Variants in ZNHIT6 observed in about 807,000 individuals in gnomAD.
The protein encoded by ZNHIT6 is zinc finger HIT-type containing 6, also known as box C/D snoRNA protein 1.
Under a neutral mutation model 57.2 loss-of-function variants are expected in ZNHIT6, and 45 were observed. The observed-to-expected ratio is 0.79, with a 90% CI of 0.62 to 1.01. The LOEUF (loss-of-function observed/expected upper bound fraction) is 1.01, where lower values mean the gene tolerates loss of function less well. ZNHIT6 is among the 50% of genes least tolerant of loss of function. The pLI is 0.00. For missense variants in ZNHIT6, 528 were observed against 567.3 expected (o/e 0.93, Z 0.70); for synonymous variants, 188 against 190.0 (o/e 0.99, Z 0.09).
chr1:85,695,695 T>C (rs1443718306), intron 5 of ZNHIT6, among the ~76,000 whole-genome samples: 2 of 152,202 alleles, frequency 1.3e-5, no homozygotes, highest in Non-Finnish European at 2.9e-5. Flanking sequence ...ATGTCCTTAA[T>C]CAACATTAAC....
At chr1:85,704,451 G>A (rs745541382) in intron 4 of ZNHIT6, among the ~76,000 whole-genome samples, 9 of 152,020 alleles carry the variant, frequency 5.9e-5, no homozygotes, top group African/African-American at 9.7e-5. Context: ...AAAAGATCAG[G>A]GAAGGGCATA....
In ZNHIT6 at chr1:85,658,058, TA is replaced by T. The variant is rs906836732; in HGVS notation, c.1248-88del. 4.2e-6 allele frequency: 4 copies of T among 948,468 alleles called. No individual in the cohort carries two copies. The Admixed American group carries it at 1.3e-4, about 30-fold the overall frequency. 58.8% of individuals were successfully genotyped at this position (948,468 alleles called of 1,614,324 possible). A position where few individuals can be genotyped will look rare whatever the true frequency, so the allele number is the denominator to read the frequency against. ...ATAAATATATGAGAGTATTTTACAT[TA>T]AAAATTTTTTAAAGGTGATGACAAT... On this transcript the variant is annotated intron_variant, in intron 8 of 9. Transcript: ENST00000370574.
At chr1:85,672,386 T>A (rs1007197381) in intron 8 of ZNHIT6, among the ~76,000 whole-genome samples, 1 of 151,834 alleles carries the variant, frequency 6.6e-6, no homozygotes, top group Non-Finnish European at 1.5e-5. Context: ...CCTTAACTTT[T>A]AAAAAAAAGT....
chr1:85,653,275 T>C lies in ZNHIT6; in HGVS notation c.*783A>G, dbSNP rs1378036886. The stretch of plus-strand genomic sequence containing the variant: ...GACATTGTACTAGGAGTTTCTCAAG[T>C]AGAAAACTTGTCTCACAAGGGTAAG... On this transcript the variant is annotated 3_prime_UTR_variant, in exon 10 of 10. Coordinates refer to ENST00000370574, the MANE Select transcript of ZNHIT6 (RefSeq NM_017953.4). The C allele has an allele frequency of 6.6e-6, 1 of 152,090 alleles. No individual in the cohort carries two copies. The highest frequency in any genetic ancestry group is 2.1e-4 in the South Asian group (1 of 4,826). 9.4% of individuals were successfully genotyped at this position (152,090 alleles called of 1,614,324 possible).
intron 5 of ZNHIT6, among the ~76,000 whole-genome samples, chr1:85,683,481 C>A (rs1385073598): frequency 1.3e-5 from 2 of 151,658 alleles, no homozygotes; most frequent in African/African-American, 4.8e-5. Flanking sequence ...TGAGATTGAG[C>A]CACTGCATTC....
intron 8 of ZNHIT6, among the ~76,000 whole-genome samples, chr1:85,660,151 AT>A (rs1661184595): frequency 6.6e-6 from 1 of 152,194 alleles, no homozygotes; most frequent in Non-Finnish European, 1.5e-5. Flanking sequence ...GAAAAATGAG[AT>A]TATATCAGAT....
chr1:85,667,676 T>A (rs1248444407), intron 8 of ZNHIT6, among the ~76,000 whole-genome samples: 1 of 149,050 alleles, frequency 6.7e-6, no homozygotes, highest in Non-Finnish European at 1.5e-5. Context: ...CTCACACCTG[T>A]AATCCCAGCA....
At chr1:85,681,762 A>G (rs931897761) in intron 5 of ZNHIT6, among the ~76,000 whole-genome samples, 1 of 152,232 alleles carries the variant, frequency 6.6e-6, no homozygotes, top group South Asian at 2.1e-4. Context: ...GTCAGAAGAC[A>G]AAGAACATAA....
At chr1:85,701,973 C>T (rs1662543253) in intron 5 of ZNHIT6, among the ~76,000 whole-genome samples, 184 bp downstream of exon 5, 1 of 151,818 alleles carries the variant, frequency 6.6e-6, no homozygotes, top group Non-Finnish European at 1.5e-5. Flanking sequence ...CACGCACACA[C>T]TGCAAACCCA....
rs757199230 is a variant in ZNHIT6 at position 85,708,318 on chromosome 1, A to G, written c.-34T>C. The stretch of plus-strand genomic sequence containing the variant: ...GATCCTTGGCCTCTGCTGCCACTCT[A>G]TCCTTCAATGTGGCTGCTGCACACC... On this transcript the variant is annotated 5_prime_UTR_variant, in exon 1 of 10. Transcript: ENST00000370574. The G allele has an allele frequency of 1.3e-6, 2 of 1,559,880 alleles. No individual in the cohort carries two copies. The highest frequency in any genetic ancestry group is 1.7e-6 in the Non-Finnish European group (2 of 1,152,686).
In ZNHIT6 at chr1:85,651,062, A is replaced by G. The variant is rs1301971026; in HGVS notation, c.*2996T>C. 6.6e-6 allele frequency: 1 copy of G among 152,220 alleles called. No homozygotes were observed. Among genetic ancestry groups the G allele is most frequent in the African/African-American group, 2.4e-5 (1 of 41,442 alleles). The allele number at this position is 152,220 out of a possible 1,614,324, so 9.4% of individuals were successfully genotyped here. On this transcript the variant is annotated 3_prime_UTR_variant, in exon 10 of 10. Coordinates refer to ENST00000370574, the MANE Select transcript of ZNHIT6 (RefSeq NM_017953.4). Reference sequence around the variant, plus strand: ...TTAGTAACATGAAATAAGGTACAACACAAAGTATATGTCAACATAATTAAA... The same window carrying G: ...TTAGTAACATGAAATAAGGTACAACGCAAAGTATATGTCAACATAATTAAA...
At chr1:85,675,747 C>T (rs953547599) in intron 8 of ZNHIT6, among the ~76,000 whole-genome samples, 6 of 152,190 alleles carry the variant, frequency 3.9e-5, no homozygotes, top group African/African-American at 1.4e-4. Context: ...GTGTAGCCAC[C>T]TTCATCAGTT....
At chr1:85,700,266 A>T (rs976974717) in intron 5 of ZNHIT6, among the ~76,000 whole-genome samples, 1 of 152,154 alleles carries the variant, frequency 6.6e-6, no homozygotes, top group Non-Finnish European at 1.5e-5. Flanking sequence ...AAAGGCCACA[A>T]CTCTACAAGG....
At chr1:85,700,403 A>G (rs1010376775) in intron 5 of ZNHIT6, among the ~76,000 whole-genome samples, 12 of 152,226 alleles carry the variant, frequency 7.9e-5, no homozygotes, top group Admixed American at 7.9e-4. Flanking sequence ...ACTGATCACA[A>G]ATCTCTATAA....
intron 8 of ZNHIT6, among the ~76,000 whole-genome samples, chr1:85,664,338 C>T (rs965239703): frequency 1.3e-5 from 2 of 152,154 alleles, no homozygotes; most frequent in Non-Finnish European, 2.9e-5. Context: ...GTCTAGTCTG[C>T]TGTTAATACA....
intron 8 of ZNHIT6, among the ~76,000 whole-genome samples, chr1:85,663,411 G>A (rs149660490): frequency 5.2e-4 from 79 of 152,136 alleles, no homozygotes; most frequent in African/African-American, 1.6e-3. Flanking sequence ...CAGAGCCTAC[G>A]ATTCCTAATC....
At chr1:85,666,124 A>G (rs541777257) in intron 8 of ZNHIT6, among the ~76,000 whole-genome samples, 1 of 152,320 alleles carries the variant, frequency 6.6e-6, no homozygotes, top group Non-Finnish European at 1.5e-5. Context: ...GTGTACTATA[A>G]GGAATTTACT....
intron 5 of ZNHIT6, among the ~76,000 whole-genome samples, chr1:85,689,043 T>C (rs1469986945): frequency 6.6e-6 from 1 of 152,234 alleles, no homozygotes; most frequent in African/African-American, 2.4e-5. Flanking sequence ...ATTTCTGCTA[T>C]GTTTCTCTTT....
intron 5 of ZNHIT6, among the ~76,000 whole-genome samples, chr1:85,682,564 C>A (rs1376530480): frequency 1.3e-5 from 2 of 152,088 alleles, no homozygotes; most frequent in Non-Finnish European, 2.9e-5. Context: ...CCTCGGAAAT[C>A]ATTTTATTTG....
Sources: allele counts gnomAD v4.1 joint callset (sites outside exome capture counted in the v4.1 genomes callset), GRCh38; gene constraint gnomAD v4.1.1; transcripts MANE v1.5; gene names NCBI Gene and HGNC (gene_info 2026-07-23, HGNC 2026-07-21).